HS3ST1: variants seen among roughly 807,000 people sequenced by gnomAD.
HS3ST1 encodes heparan sulfate glucosamine 3-O-sulfotransferase 1.
A neutral mutation model predicts 20.7 loss-of-function variants in HS3ST1; 8 were observed. That is an observed-to-expected ratio of 0.39 (90% CI 0.23 to 0.70). HS3ST1 has a LOEUF of 0.70. HS3ST1 is among the 30% of genes least tolerant of loss of function. The pLI is 0.46. For missense variants in HS3ST1, 436 were observed against 423.4 expected (o/e 1.03, Z -0.26); for synonymous variants, 205 against 190.4 (o/e 1.08, Z -0.63).
chr4:11,417,469 T>C (rs892463502), intron 1 of HS3ST1, among the ~76,000 whole-genome samples: 4 of 152,176 alleles, frequency 2.6e-5, no homozygotes, highest in Non-Finnish European at 4.4e-5. Context: ...GAAAAATACA[T>C]AATTAAAAAT....
At position 11,399,142 on chromosome 4, in the gene HS3ST1, A is replaced by G. The variant is rs1718230737; in HGVS notation, c.864T>C (p.Tyr288=). The G allele has an allele frequency of 1.2e-6, 2 of 1,613,970 alleles. No homozygotes were observed. Among genetic ancestry groups the G allele is most frequent in the Non-Finnish European group, 1.7e-6 (2 of 1,179,980 alleles). ...AGAACTTCTTATTTGGCTCATGAAA[A>G]TATTCGTGCAGTTTATTGAGTAGTT... The part of the protein sequence containing the change: ...DPKLLNKLHE[Y]FHEPNKKFFE... The change falls in exon 2 of 2, where the codon TAT becomes TAC. Residue 288 remains tyrosine, a synonymous_variant. Coordinates refer to ENST00000002596, the MANE Select transcript of HS3ST1 (RefSeq NM_005114.4). This position sits in a 1 kb window ranked among gnomAD's most constrained non-coding sequence, Gnocchi z 5.1.
Position 11,423,597 on chromosome 4 carries a change from C to T in HS3ST1, c.-109+5102G>A, listed in dbSNP as rs555523987. Among the ~76,000 whole-genome samples, 35 of 152,214 alleles carry T rather than the reference C, an allele frequency of 2.3e-4. 1 individual carries two copies. The highest frequency in any genetic ancestry group is 7.7e-4 in the African/African-American group (32 of 41,522). On this transcript the variant is annotated intron_variant, in intron 1 of 1. Transcript: ENST00000002596. The stretch of plus-strand genomic sequence containing the variant: ...CTCTGCTGGAAGATAAGCACAAGGG[C>T]GAGGACTTCCATCTGTTTTGTTCCC...
chr4:11,393,251 G>A lies in HS3ST1; in HGVS notation c.*5831C>T, dbSNP rs1466335893. ...TTTGTTGGGCCCAGAATTGTTTTAT[G>A]AAGTTGAAATTTAAGTTTGATATTG... is the stretch of plus-strand genomic sequence containing the variant. On this transcript the variant is annotated 3_prime_UTR_variant, in exon 2 of 2. Coordinates refer to ENST00000002596, the MANE Select transcript of HS3ST1 (RefSeq NM_005114.4). 1.3e-5 allele frequency: 2 copies of A among 152,216 alleles called. No homozygotes were observed. Among genetic ancestry groups the A allele is most frequent in the African/African-American group, 4.8e-5 (2 of 41,462 alleles). 9.4% of individuals were successfully genotyped at this position (152,216 alleles called of 1,614,324 possible). A position where few individuals can be genotyped will look rare whatever the true frequency, so the allele number is the denominator to read the frequency against.
In HS3ST1 at chr4:11,399,465, C is replaced by T. The variant is rs148569165; in HGVS notation, c.541G>A (p.Asp181Asn). 6.2e-5 allele frequency: 100 copies of T among 1,613,854 alleles called. No individual in the cohort carries two copies. Among genetic ancestry groups the T allele is most frequent in the Middle Eastern group, 1.6e-4 (1 of 6,084 alleles). The change falls in exon 2 of 2, where the codon GAT becomes AAT. Residue 181 changes from aspartate (D) to asparagine (N), a missense_variant. Asp to Asn is a conservative substitution (Grantham distance 23). Transcript: ENST00000002596. The surrounding 1 kb of genome is among the most constrained non-coding windows in gnomAD (Gnocchi z 5.1). The stretch of plus-strand genomic sequence containing the variant: ...TTGTAGTCCACATTGAGCCTGCCAT[C>T]GCGCACCAGGAACTCCTCGATGGAC... Reference protein sequence around the residue: ...YPSIEEFLVRDGRLNVDYKAL... With the variant: ...YPSIEEFLVRNGRLNVDYKAL...
chr4:11,403,040 G>C (rs1464321652), intron 1 of HS3ST1, among the ~76,000 whole-genome samples: 1 of 152,038 alleles, frequency 6.6e-6, no homozygotes, highest in Non-Finnish European at 1.5e-5. Context: ...GGCTAATAGA[G>C]AAAGAAATTA....
At position 11,399,607 on chromosome 4, in the gene HS3ST1, G is replaced by C. The variant is rs1176499859; in HGVS notation, c.399C>G (p.Val133=). The C allele has an allele frequency of 6.2e-7, 1 of 1,613,810 alleles. No homozygotes were observed. The highest frequency in any genetic ancestry group is 8.5e-7 in the Non-Finnish European group (1 of 1,180,054). Residue 133 remains valine (V), a synonymous_variant, in exon 2 of 2, where the codon GTC becomes GTG. Coordinates refer to ENST00000002596, the MANE Select transcript of HS3ST1 (RefSeq NM_005114.4). This position sits in a 1 kb window ranked among gnomAD's most constrained non-coding sequence, Gnocchi z 5.1. ...GCCGGATGGACGGGTTCATGCTGTA[G>C]ACTCGCTCAGGCACTTTGGGCGACG... ...YFTSPKVPER[V]YSMNPSIRLL...
chr4:11,432,360 T>C (rs181367410), upstream of HS3ST1, among the ~76,000 whole-genome samples: 5 of 152,318 alleles, frequency 3.3e-5, no homozygotes, highest in African/African-American at 9.6e-5. Context: ...AGTGGGACTC[T>C]TTATCCACAA....
In HS3ST1 at chr4:11,399,025, C is replaced by G; in HGVS notation, c.*57G>C. On this transcript the variant is annotated 3_prime_UTR_variant, in exon 2 of 2. Transcript: ENST00000002596. The surrounding 1 kb of genome is among the most constrained non-coding windows in gnomAD (Gnocchi z 5.1). ...ATGCTTTTTTAAAATTCTTTTTCCC[C>G]TCAGATGTACACCAGAACTTACAGT... 1 of 1,439,774 alleles carries G rather than the reference C, an allele frequency of 6.9e-7. No homozygotes were observed. Among genetic ancestry groups the G allele is most frequent in the Non-Finnish European group, 9.5e-7 (1 of 1,057,294 alleles). The allele number at this position is 1,439,774 out of a possible 1,614,324, so 89.2% of individuals were successfully genotyped here.
chr4:11,414,344 G>T (rs224467), intron 1 of HS3ST1, among the ~76,000 whole-genome samples: 1 of 152,056 alleles, frequency 6.6e-6, no homozygotes, highest in Non-Finnish European at 1.5e-5. Flanking sequence ...CGCGTGTGTG[G>T]TTGTTCCAAT....
At chr4:11,430,570 T>C (rs79955352), upstream of HS3ST1, among the ~76,000 whole-genome samples, 2,371 of 152,338 alleles carry the variant, frequency 0.016, 19 homozygotes, top group Non-Finnish European at 0.022. Flanking sequence ...GTTGGTATGA[T>C]TACTTTTTCT....
chr4:11,427,785 C>G (rs1342729163), intron 1 of HS3ST1, among the ~76,000 whole-genome samples: 4 of 152,234 alleles, frequency 2.6e-5, no homozygotes, highest in Non-Finnish European at 4.4e-5. Context: ...CCAGCACACC[C>G]CATCCCGCGC....
At chr4:11,431,852 G>A (rs1311247198), upstream of HS3ST1, among the ~76,000 whole-genome samples, 4 of 152,118 alleles carry the variant, frequency 2.6e-5, no homozygotes, top group East Asian at 1.9e-4. Context: ...ATGGGGAAAC[G>A]GAGGTTTAGG....
chr4:11,401,902 A>G (rs920358322), intron 1 of HS3ST1, among the ~76,000 whole-genome samples: 8 of 152,200 alleles, frequency 5.3e-5, no homozygotes, highest in African/African-American at 1.7e-4. Context: ...CAAGGAGCTG[A>G]TACTCATCAG....
At chr4:11,404,034 C>T (rs1718398429) in intron 1 of HS3ST1, among the ~76,000 whole-genome samples, 1 of 152,098 alleles carries the variant, frequency 6.6e-6, no homozygotes, top group South Asian at 2.1e-4. Flanking sequence ...TCACTCTAAC[C>T]TATAATCACT....
chr4:11,414,912 T>C (rs1718733360), intron 1 of HS3ST1, among the ~76,000 whole-genome samples: 1 of 152,164 alleles, frequency 6.6e-6, no homozygotes. Context: ...TTAGATGTCA[T>C]TTGCTCAGGT....
chr4:11,423,019 G>A (rs573230227), intron 1 of HS3ST1, among the ~76,000 whole-genome samples: 320 of 14,074 alleles, frequency 0.023, no homozygotes, highest in Non-Finnish European at 0.028. Flanking sequence ...GCGAGACACC[G>A]TCAAAAAAAA....
intron 1 of HS3ST1, among the ~76,000 whole-genome samples, chr4:11,404,460 G>C (rs563160368): frequency 3.3e-5 from 5 of 152,306 alleles, no homozygotes; most frequent in African/African-American, 1.2e-4. Context: ...ACATATGGCT[G>C]GTGGCAATTG....
rs1347165659 is a variant in HS3ST1 at position 11,397,486 on chromosome 4, T to C, written c.*1596A>G. 1 of 152,274 alleles carries C rather than the reference T, an allele frequency of 6.6e-6. No homozygotes were observed. The highest frequency in any genetic ancestry group is 6.5e-5 in the Admixed American group (1 of 15,286). 9.4% of individuals were successfully genotyped at this position (152,274 alleles called of 1,614,324 possible). A position where few individuals can be genotyped will look rare whatever the true frequency, so the allele number is the denominator to read the frequency against. Reference sequence around the variant, plus strand: ...TTGGCACCTGGGAAGAAATGTTAAGTCAGGTCAGGAAGAACTGGCTCTGAG... The same window carrying C: ...TTGGCACCTGGGAAGAAATGTTAAGCCAGGTCAGGAAGAACTGGCTCTGAG... On this transcript the variant is annotated 3_prime_UTR_variant, in exon 2 of 2. Transcript: ENST00000002596.
chr4:11,421,970 C>T (rs560555385), intron 1 of HS3ST1, among the ~76,000 whole-genome samples: 14 of 152,242 alleles, frequency 9.2e-5, no homozygotes, highest in Non-Finnish European at 1.8e-4. Flanking sequence ...GGACTGGGTA[C>T]GAGAGATAAA....
Sources: gnomAD v4.1 joint callset for allele counts (sites outside exome capture counted in the v4.1 genomes callset) on GRCh38, gnomAD v4.1.1 for gene constraint, Gnocchi (gnomAD v3.1) non-coding constraint, MANE v1.5 for transcripts, NCBI Gene and HGNC (gene_info 2026-07-23, HGNC 2026-07-21) for gene names.